The following PCSK5 variants were observed in gnomAD, a reference collection of about 807,000 sequenced individuals.
PCSK5 encodes proprotein convertase subtilisin/kexin type 5, also known as prohormone convertase 5.
A neutral mutation model predicts 233.2 loss-of-function variants in PCSK5; 129 were observed. The ratio of observed to expected loss-of-function variants is 0.55; its 90% confidence interval spans 0.48 to 0.64. The LOEUF is 0.64. Among genes scored for constraint, PCSK5 ranks in the 30% least tolerant of loss-of-function variants. The pLI is 0.00. For missense variants in PCSK5, 2,076 were observed against 2,430.1 expected (o/e 0.85, Z 3.06); for synonymous variants, 825 against 879.2 (o/e 0.94, Z 1.09).
chr9:76,007,073 T>C (rs1448617586), intron 3 of PCSK5, among the ~76,000 whole-genome samples: 1 of 152,242 alleles, frequency 6.6e-6, no homozygotes, highest in Non-Finnish European at 1.5e-5. Flanking sequence ...CTCCTGATTA[T>C]ATTTTCAGTT....
At chr9:76,355,273 ACG>A in intron 37 of PCSK5, among the ~76,000 whole-genome samples, 1 of 152,064 alleles carries the variant, frequency 6.6e-6, no homozygotes, top group Non-Finnish European at 1.5e-5. Flanking sequence ...GAGATCGAGA[ACG>A]TCCTGGCTAA....
rs1228861388 is a variant in PCSK5 at position 76,270,854 on chromosome 9, C to A, written c.3143-21379C>A. Among the ~76,000 whole-genome samples the A allele has an allele frequency of 2.0e-5, 3 of 152,250 alleles. No homozygotes were observed. The East Asian group carries it at 5.8e-4, about 29-fold the overall frequency. On this transcript the variant is annotated intron_variant, in intron 24 of 37. Transcript: ENST00000674117. ...GTAATTCACAGGGGAGTAGGGAAAT[C>A]ACTTGAAAATCATAGGAAGAGAAGT...
In PCSK5 at chr9:76,181,434, C is replaced by T. The variant is rs551394885; in HGVS notation, c.2040C>T (p.His680=). The change falls in exon 16 of 38, where the codon CAC becomes CAT. Residue 680 remains histidine (H), a synonymous_variant. Transcript: ENST00000674117. ...CCAGCTGCCCCCCTGGCCACTACCACGCCGACAAGAAGCGCTGCAGGAAGT... is the reference window on the plus strand; with the variant it reads ...CCAGCTGCCCCCCTGGCCACTACCATGCCGACAAGAAGCGCTGCAGGAAGT... ...CVSSCPPGHY[H]ADKKRCRKCA... is the part of the protein sequence containing the mutation. 46 of 1,613,896 alleles carry T rather than the reference C, an allele frequency of 2.9e-5. No homozygotes were observed. The highest frequency in any genetic ancestry group is 1.2e-4 in the South Asian group (11 of 91,066).
chr9:76,251,614 G>A (rs891829953), intron 24 of PCSK5, among the ~76,000 whole-genome samples: 1 of 150,244 alleles, frequency 6.7e-6, no homozygotes. Flanking sequence ...TTCAACATTA[G>A]AATGATTCCA....
chr9:76,022,715 T>C (rs1828249405), intron 3 of PCSK5, among the ~76,000 whole-genome samples: 1 of 152,226 alleles, frequency 6.6e-6, no homozygotes, highest in African/African-American at 2.4e-5. Flanking sequence ...GTTGTAGCCA[T>C]TGCAGAATGA....
intron 7 of PCSK5, among the ~76,000 whole-genome samples, chr9:76,081,856 T>A (rs1830852668): frequency 6.6e-6 from 1 of 152,164 alleles, no homozygotes; most frequent in African/African-American, 2.4e-5. Flanking sequence ...CATGTACTGT[T>A]TCCTAAAACC....
chr9:76,133,431 T>C (rs961629955), intron 9 of PCSK5, among the ~76,000 whole-genome samples: 1 of 151,956 alleles, frequency 6.6e-6, no homozygotes, highest in Non-Finnish European at 1.5e-5. Flanking sequence ...GTAGTCTCTT[T>C]TGTGTTCTTC....
intron 19 of PCSK5, 94 bp from the exon 20 acceptor site, chr9:76,189,537 A>C: frequency 1.3e-6 from 1 of 779,114 alleles, no homozygotes; most frequent in South Asian, 1.7e-5. Context: ...CTTCAGAGGG[A>C]TAATTAAATG....
At chr9:75,952,903 G>C (rs113462238) in intron 2 of PCSK5, among the ~76,000 whole-genome samples, 24 of 152,230 alleles carry the variant, frequency 1.6e-4, no homozygotes, top group African/African-American at 5.5e-4. Flanking sequence ...CCACCTTTTG[G>C]TGTTTATTTG....
chr9:75,932,556 G>A, intron 2 of PCSK5, 73 bp downstream of exon 2: 1 of 868,418 alleles, frequency 1.2e-6, no homozygotes, highest in Non-Finnish European at 2.0e-6. Flanking sequence ...ACACACTAGG[G>A]GCTGAGGACC....
At chr9:75,955,726 A>G (rs1825066093) in intron 2 of PCSK5, among the ~76,000 whole-genome samples, 1 of 152,080 alleles carries the variant, frequency 6.6e-6, no homozygotes, top group Non-Finnish European at 1.5e-5. Context: ...AACTGTGTTA[A>G]TTTGAATTTG....
Position 76,238,943 on chromosome 9 carries a change from C to T in PCSK5, c.2867-16C>T. The T allele has an allele frequency of 6.3e-7, 1 of 1,589,916 alleles. No homozygotes were observed. Among genetic ancestry groups the T allele is most frequent in the East Asian group, 2.2e-5 (1 of 44,690 alleles). On this transcript the variant is annotated splice_polypyrimidine_tract_variant and intron_variant, in intron 22 of 37. Transcript: ENST00000674117. ...TGTACATTTTCCCTCTTTTCGTTGC[C>T]CCTGTAACTGATCAGACAACTATGG...
chr9:76,187,145 A>AAAAT (rs2131232997), intron 17 of PCSK5, among the ~76,000 whole-genome samples: 1 of 152,282 alleles, frequency 6.6e-6, no homozygotes, highest in Non-Finnish European at 1.5e-5. Flanking sequence ...AGCATAGGGA[A>AAAAT]AAATAAATTT....
At chr9:75,906,462 T>G (rs984283818) in intron 1 of PCSK5, among the ~76,000 whole-genome samples, 2 of 152,166 alleles carry the variant, frequency 1.3e-5, no homozygotes, top group Non-Finnish European at 2.9e-5. Flanking sequence ...CCTGACCTTG[T>G]GATCTGCCTG....
At chr9:76,119,375 A>G (rs1832548907) in intron 9 of PCSK5, among the ~76,000 whole-genome samples, 1 of 152,114 alleles carries the variant, frequency 6.6e-6, no homozygotes, top group African/African-American at 2.4e-5. Flanking sequence ...TTAGTCAAAT[A>G]TATGTGTCCT....
Position 76,179,622 on chromosome 9 carries a change from G to T in PCSK5, c.1927G>T (p.Val643Phe). 6.2e-7 allele frequency: 1 copy of T among 1,613,792 alleles called. No homozygotes were observed. Among genetic ancestry groups the T allele is most frequent in the Non-Finnish European group, 8.5e-7 (1 of 1,179,744 alleles). ...AGPCDPECSE[V>F]GCDGPGPDHC... is the part of the protein sequence containing the mutation. ...TCCCTGCGACCCTGAGTGCAGTGAG[G>T]TTGGCTGTGACGGGCCAGGACCAGA... The change falls in exon 15 of 38, where the codon GTT (valine) becomes TTT (phenylalanine). Residue 643 changes from valine (V) to phenylalanine (F), a missense_variant. Val to Phe is a conservative substitution (Grantham distance 50, BLOSUM62 -1). This residue lies in a region of PCSK5 where 84 missense variants were observed against 108.8 expected (regional missense o/e 0.77). Coordinates refer to ENST00000674117, the MANE Select transcript of PCSK5 (RefSeq NM_001372043.1).
intron 33 of PCSK5, among the ~76,000 whole-genome samples, chr9:76,330,360 A>G (rs1377839640): frequency 2.0e-5 from 3 of 152,206 alleles, no homozygotes; most frequent in Non-Finnish European, 4.4e-5. Context: ...CATAGGAGAC[A>G]GAAGAGAGAG....
Position 76,293,648 on chromosome 9 carries a change from C to T in PCSK5, c.3185+1373C>T, listed in dbSNP as rs74386129. Among the ~76,000 whole-genome samples the T allele has an allele frequency of 8.0e-3, 1,219 of 152,270 alleles. 87 individuals are homozygous for T. In the East Asian group the frequency reaches 0.17, roughly 21 times the overall value. ...TATTTTTAGCAGAGACAGGGTTTCG[C>T]CATGTTGGCCAGGCTCTGTTAAACT... On this transcript the variant is annotated intron_variant, in intron 25 of 37. Coordinates refer to ENST00000674117, the MANE Select transcript of PCSK5 (RefSeq NM_001372043.1).
chr9:76,026,890 G>T, intron 4 of PCSK5, 71 bp from the exon 5 acceptor site: 1 of 967,620 alleles, frequency 1.0e-6, no homozygotes, highest in Non-Finnish European at 1.6e-6. Context: ...AAAAATGCAT[G>T]AGCCTGTGGG....
Sources: gnomAD v4.1 joint callset for allele counts (sites outside exome capture counted in the v4.1 genomes callset) on GRCh38, gnomAD v4.1.1 for gene constraint, gnomAD v4.1.1 regional missense constraint, MANE v1.5 for transcripts, NCBI Gene and HGNC (gene_info 2026-07-23, HGNC 2026-07-21) for gene names.